Variants in MALRD1 observed in about 807,000 individuals in gnomAD.
MALRD1 encodes the protein MAM and LDL receptor class A domain containing 1.
A neutral mutation model predicts 242.1 loss-of-function variants in MALRD1; 247 were observed. The observed-to-expected ratio is 1.02, with a 90% CI of 0.92 to 1.13. The LOEUF (loss-of-function observed/expected upper bound fraction) is 1.13. Among genes scored for constraint, MALRD1 ranks in the 50% most tolerant of loss-of-function variants. The pLI, the probability that MALRD1 is intolerant of heterozygous loss-of-function variation, is 0.00. For synonymous variants in MALRD1, 995 were observed against 866.6 expected, an observed-to-expected ratio of 1.15 and a Z score of -2.60; for missense variants, 2,989 against 2,533.1, an observed-to-expected ratio of 1.18 and a Z score of -3.86.
chr10:19,165,267 T>TA (rs1564435240), intron 12 of MALRD1, among the ~76,000 whole-genome samples: 3 of 53,760 alleles, frequency 5.6e-5, no homozygotes, highest in South Asian at 7.2e-4. Context: ...ATATATATAT[T>TA]TTGTTTTGTT....
chr10:19,671,522 G>A (rs1841918359), intron 36 of MALRD1, among the ~76,000 whole-genome samples: 1 of 151,744 alleles, frequency 6.6e-6, no homozygotes, highest in Non-Finnish European at 1.5e-5. Flanking sequence ...GGAGGTTGAG[G>A]CAAGAGAACC....
intron 18 of MALRD1, among the ~76,000 whole-genome samples, chr10:19,253,707 T>C (rs1462159052): frequency 6.6e-6 from 1 of 152,034 alleles, no homozygotes; most frequent in South Asian, 2.1e-4. Context: ...AAGCAACCAC[T>C]ACAACCAAAA....
intron 9 of MALRD1, among the ~76,000 whole-genome samples, chr10:19,134,394 G>A (rs573888676): frequency 6.2e-4 from 94 of 152,312 alleles, no homozygotes; most frequent in African/African-American, 2.2e-3. Flanking sequence ...TAGGAATGCT[G>A]TCTCTTAAAA....
chr10:19,592,286 T>C (rs1288386930), intron 33 of MALRD1, among the ~76,000 whole-genome samples: 2 of 152,184 alleles, frequency 1.3e-5, no homozygotes, highest in Non-Finnish European at 2.9e-5. Flanking sequence ...GGTTTAGCTG[T>C]GATGCAGGTG....
intron 31 of MALRD1, among the ~76,000 whole-genome samples, chr10:19,516,504 C>G (rs1263091116): frequency 5.3e-5 from 8 of 152,078 alleles, no homozygotes; most frequent in Non-Finnish European, 7.4e-5. Context: ...GAGTCAAATT[C>G]TTTTTCTTGT....
chr10:19,193,571 A>C (rs1836088568), intron 14 of MALRD1, among the ~76,000 whole-genome samples: 1 of 152,172 alleles, frequency 6.6e-6, no homozygotes, highest in Non-Finnish European at 1.5e-5. Context: ...CAAAGAAAAG[A>C]AAAATGGAAT....
chr10:19,364,267 A>G (rs1360016137), intron 26 of MALRD1, among the ~76,000 whole-genome samples: 2 of 152,180 alleles, frequency 1.3e-5, no homozygotes, highest in Admixed American at 1.3e-4. Flanking sequence ...GACATGATTT[A>G]AATTTATTAC....
chr10:19,151,462 T>C (rs1266924913), intron 11 of MALRD1, among the ~76,000 whole-genome samples: 1 of 152,172 alleles, frequency 6.6e-6, no homozygotes, highest in African/African-American at 2.4e-5. Flanking sequence ...TCACAATTAT[T>C]TTGTCTGCAA....
intron 32 of MALRD1, among the ~76,000 whole-genome samples, chr10:19,559,577 T>G (rs965219425): frequency 2.6e-5 from 4 of 152,020 alleles, no homozygotes; most frequent in African/African-American, 9.7e-5. Flanking sequence ...TGAATCCACC[T>G]GGTCAAAGAC....
chr10:19,404,676 G>C (rs1190703189), intron 28 of MALRD1, among the ~76,000 whole-genome samples: 1 of 152,074 alleles, frequency 6.6e-6, no homozygotes, highest in Non-Finnish European at 1.5e-5. Flanking sequence ...CTCTGGGGAA[G>C]TGATTGTTTT....
At chr10:19,645,573 T>G (rs1840617788) in intron 36 of MALRD1, among the ~76,000 whole-genome samples, 2 of 152,262 alleles carry the variant, frequency 1.3e-5, no homozygotes, top group South Asian at 4.1e-4. Context: ...TTCATGTCCT[T>G]TGTAGGGACA....
chr10:19,162,044 G>A (rs11008718), intron 12 of MALRD1, among the ~76,000 whole-genome samples: 41,660 of 119,588 alleles, frequency 0.35, 6,224 homozygotes, highest in Admixed American at 0.41. Flanking sequence ...AACAACAACA[G>A]CAACAACAAC....
rs201234255 is a variant in MALRD1, at chr10:19,550,988, CT to C, written c.5479-16509del. On this transcript the variant is annotated intron_variant, in intron 32 of 39. Coordinates refer to ENST00000454679, the MANE Select transcript of MALRD1 (RefSeq NM_001142308.3). ...CTTGCCAGCATCTGTTATTTTTTGC[CT>C]TTTTAATAATAGCCATTCTGACTGG... Among the ~76,000 whole-genome samples the C allele has an allele frequency of 6.2e-3, 941 of 152,150 alleles. 8 individuals are homozygous for C. Among genetic ancestry groups the C allele is most frequent in the African/African-American group, 0.019 (789 of 41,520 alleles).
At chr10:19,400,309 T>A (rs918879711) in intron 28 of MALRD1, among the ~76,000 whole-genome samples, 4 of 152,330 alleles carry the variant, frequency 2.6e-5, no homozygotes, top group Non-Finnish European at 2.9e-5. Context: ...TGTGCTACAT[T>A]CTTGGCACTG....
intron 29 of MALRD1, among the ~76,000 whole-genome samples, chr10:19,477,802 A>G (rs544879506): frequency 6.6e-6 from 1 of 152,314 alleles, no homozygotes; most frequent in East Asian, 1.9e-4. Flanking sequence ...TTTGCATAGC[A>G]CATGAAGAAG....
chr10:19,698,527 A>G (rs756172923), intron 38 of MALRD1, among the ~76,000 whole-genome samples: 53 of 152,130 alleles, frequency 3.5e-4, no homozygotes, highest in Admixed American at 1.0e-3. Flanking sequence ...TTTTGAAGTT[A>G]TTGTCTTTTG....
intron 29 of MALRD1, among the ~76,000 whole-genome samples, chr10:19,468,108 CAAA>C (rs5783680): frequency 6.6e-6 from 1 of 151,408 alleles, no homozygotes. Flanking sequence ...TACTTTAAAA[CAAA>C]AAAAAAATCT....
intron 21 of MALRD1, among the ~76,000 whole-genome samples, chr10:19,319,782 G>T (rs1314703142): frequency 6.6e-6 from 1 of 151,914 alleles, no homozygotes; most frequent in Non-Finnish European, 1.5e-5. Flanking sequence ...ACTCCCCAAA[G>T]GCCCTGCGTA....
chr10:19,236,452 C>A (rs1243589638), intron 18 of MALRD1, among the ~76,000 whole-genome samples: 1 of 152,148 alleles, frequency 6.6e-6, no homozygotes, highest in South Asian at 2.1e-4. Context: ...AGGAGTCTTG[C>A]ATTATGTAAT....
Sources: allele counts gnomAD v4.1 joint callset (sites outside exome capture counted in the v4.1 genomes callset), GRCh38; gene constraint gnomAD v4.1.1; transcripts MANE v1.5; gene names NCBI Gene and HGNC (gene_info 2026-07-23, HGNC 2026-07-21).